The following RBFOX1 variants were observed in gnomAD, a reference collection of about 807,000 sequenced individuals.
RBFOX1 encodes the protein RNA binding fox-1 homolog 1.
In RBFOX1, 8 loss-of-function variants were observed where a neutral mutation model predicts 57.7. That is an observed-to-expected ratio of 0.14 (90% CI 0.08 to 0.25). RBFOX1 has a LOEUF of 0.25. RBFOX1 is among the 10% of genes least tolerant of loss of function. The probability of loss-of-function intolerance (pLI) is 1.00; values close to 1 mark genes in which losing one functional copy is unlikely to be tolerated. For missense variants in RBFOX1, 611 were observed against 548.5 expected (o/e 1.11, Z -1.14); for synonymous variants, 326 against 222.4 (o/e 1.47, Z -4.15).
chr16:7,262,797 A>G (rs1042843783), intron 4 of RBFOX1, among the ~76,000 whole-genome samples: 6 of 152,254 alleles, frequency 3.9e-5, no homozygotes, highest in African/African-American at 9.6e-5. Flanking sequence ...CAGGAATCCA[A>G]TTCTTTTTCT....
chr16:5,746,520 T>G (rs1357626400), intron 3 of RBFOX1, among the ~76,000 whole-genome samples: 1 of 152,232 alleles, frequency 6.6e-6, no homozygotes, highest in African/African-American at 2.4e-5. Context: ...ATCTATAAAT[T>G]ACCTTGGGCA....
At chr16:7,313,409 A>C (rs1292181120) in intron 4 of RBFOX1, among the ~76,000 whole-genome samples, 1 of 151,322 alleles carries the variant, frequency 6.6e-6, no homozygotes, top group Admixed American at 6.6e-5. Context: ...TACGTGACTC[A>C]GGATTCCTGA....
chr16:7,222,664 G>C (rs935476270), intron 4 of RBFOX1, among the ~76,000 whole-genome samples: 4 of 152,276 alleles, frequency 2.6e-5, no homozygotes, highest in African/African-American at 7.2e-5. Flanking sequence ...TTACCTCTTT[G>C]TTCCTTATAA....
At chr16:6,464,203 T>C (rs545774845) in intron 2 of RBFOX1, among the ~76,000 whole-genome samples, 11 of 152,186 alleles carry the variant, frequency 7.2e-5, no homozygotes, top group Non-Finnish European at 1.6e-4. Flanking sequence ...ACAACTTGAA[T>C]TGGCAAAGAT....
chr16:6,167,874 G>C (rs2096929348), intron 1 of RBFOX1, among the ~76,000 whole-genome samples: 1 of 152,166 alleles, frequency 6.6e-6, no homozygotes. Context: ...TGGGGTCAAG[G>C]AGGAGAAGTT....
intron 2 of RBFOX1, among the ~76,000 whole-genome samples, chr16:6,626,741 C>T (rs1192993639): frequency 6.6e-6 from 1 of 151,922 alleles, no homozygotes; most frequent in African/African-American, 2.4e-5. Context: ...GCCTGGATGA[C>T]AGAGTGAGAC....
intron 1 of RBFOX1, among the ~76,000 whole-genome samples, chr16:6,064,856 A>G (rs1297341656): frequency 6.6e-6 from 1 of 151,968 alleles, no homozygotes; most frequent in Non-Finnish European, 1.5e-5. Context: ...CTGACATTGT[A>G]TTTGAATTGC....
intron 2 of RBFOX1, among the ~76,000 whole-genome samples, chr16:5,560,142 C>T (rs1027031794): frequency 2.0e-5 from 3 of 152,102 alleles, no homozygotes; most frequent in Non-Finnish European, 4.4e-5. Flanking sequence ...TGAGTATTTG[C>T]ACATGCCTGA....
chr16:6,960,482 G>A (rs1395911330), intron 3 of RBFOX1, among the ~76,000 whole-genome samples: 1 of 151,954 alleles, frequency 6.6e-6, no homozygotes, highest in African/African-American at 2.4e-5. Flanking sequence ...GTTGTTATTG[G>A]GCCACGAGAA....
chr16:5,845,754 T>C (rs1339366924), intron 3 of RBFOX1, among the ~76,000 whole-genome samples: 1 of 152,204 alleles, frequency 6.6e-6, no homozygotes, highest in Non-Finnish European at 1.5e-5. Flanking sequence ...ACGTGGCTAG[T>C]GGTGACTCTT....
intron 2 of RBFOX1, among the ~76,000 whole-genome samples, chr16:6,457,714 T>A (rs1418428846): frequency 1.3e-5 from 2 of 152,166 alleles, no homozygotes; most frequent in South Asian, 2.1e-4. Context: ...TCTGCTAGGA[T>A]GAATGATAAT....
intron 3 of RBFOX1, among the ~76,000 whole-genome samples, chr16:6,962,290 C>G (rs1187427025): frequency 6.6e-6 from 1 of 152,078 alleles, no homozygotes; most frequent in Non-Finnish European, 1.5e-5. Flanking sequence ...ATTGGCCCAC[C>G]CTAAATTCAG....
chr16:6,919,769 C>CTTTTTTTTTTTT (rs57240620), intron 3 of RBFOX1, among the ~76,000 whole-genome samples: 1 of 123,510 alleles, frequency 8.1e-6, no homozygotes, highest in East Asian at 2.4e-4. Flanking sequence ...TAAGATCATT[C>CTTTTTTTTTTTT]TTTTTTTTTT....
intron 2 of RBFOX1, among the ~76,000 whole-genome samples, chr16:6,623,785 T>C (rs991143222): frequency 1.3e-5 from 2 of 152,220 alleles, no homozygotes; most frequent in Admixed American, 6.5e-5. Flanking sequence ...CATCCTTTTT[T>C]ATGGCTGCAT....
At chr16:7,664,315 C>T (rs2068604754) in intron 12 of RBFOX1, among the ~76,000 whole-genome samples, 1 of 152,088 alleles carries the variant, frequency 6.6e-6, no homozygotes, top group African/African-American at 2.4e-5. Flanking sequence ...GCACATGTAC[C>T]CATGCTCACC....
At chr16:7,317,116 G>A (rs998498848) in intron 4 of RBFOX1, among the ~76,000 whole-genome samples, 8 of 152,108 alleles carry the variant, frequency 5.3e-5, no homozygotes, top group African/African-American at 1.9e-4. Context: ...GGACGGGGGT[G>A]TCAAGTAGGA....
chr16:6,878,130 G>A (rs572625607), intron 3 of RBFOX1, among the ~76,000 whole-genome samples: 5 of 152,122 alleles, frequency 3.3e-5, no homozygotes, highest in South Asian at 2.1e-4. Context: ...TCTAAGAGAA[G>A]TGATAGCTAA....
intron 2 of RBFOX1, among the ~76,000 whole-genome samples, chr16:6,608,226 A>T (rs1029818713): frequency 6.6e-5 from 10 of 152,148 alleles, no homozygotes; most frequent in South Asian, 2.1e-4. Flanking sequence ...TTTCTAAGGC[A>T]GCATTGGTTT....
intron 4 of RBFOX1, among the ~76,000 whole-genome samples, chr16:5,914,530 G>A (rs1475265015): frequency 1.3e-5 from 2 of 152,078 alleles, no homozygotes; most frequent in Non-Finnish European, 2.9e-5. Context: ...CCATCATGTG[G>A]GACTCTCTGT....
Sources: allele counts gnomAD v4.1 joint callset (sites outside exome capture counted in the v4.1 genomes callset), GRCh38; gene constraint gnomAD v4.1.1; transcripts MANE v1.5; gene names NCBI Gene and HGNC (gene_info 2026-07-23, HGNC 2026-07-21).